CDH2: variants seen among roughly 807,000 people sequenced by gnomAD.
CDH2 encodes cadherin 2, also known as cadherin-2.
In CDH2, 17 loss-of-function variants were observed where a neutral mutation model predicts 92.0. The observed-to-expected ratio is 0.18, with a 90% CI of 0.13 to 0.28. CDH2 has a LOEUF of 0.28. CDH2 is among the 10% of genes least tolerant of loss of function. CDH2 has a pLI of 1.00. For missense variants in CDH2, 862 were observed against 1,133.1 expected, an observed-to-expected ratio of 0.76 and a Z score of 3.44; for synonymous variants, 419 against 415.9, an observed-to-expected ratio of 1.01 and a Z score of -0.09.
intron 2 of CDH2, among the ~76,000 whole-genome samples, chr18:28,089,478 C>T (rs1290256866): frequency 2.0e-5 from 3 of 151,946 alleles, no homozygotes; most frequent in Non-Finnish European, 2.9e-5. Context: ...GGTTATTATG[C>T]CTTACTATAC....
chr18:28,055,224 T>G, intron 2 of CDH2, among the ~76,000 whole-genome samples: 1 of 152,116 alleles, frequency 6.6e-6, no homozygotes, highest in East Asian at 1.9e-4. Context: ...CTCACGAGAC[T>G]TACTAACCAC....
intron 2 of CDH2, among the ~76,000 whole-genome samples, chr18:28,103,105 G>T (rs1463389396): frequency 1.3e-5 from 2 of 148,376 alleles, no homozygotes; most frequent in Non-Finnish European, 3.0e-5. Flanking sequence ...ATGAAGTAAT[G>T]TAAATAAAAC....
At chr18:28,134,529 C>T (rs2015829590) in intron 2 of CDH2, among the ~76,000 whole-genome samples, 1 of 152,028 alleles carries the variant, frequency 6.6e-6, no homozygotes, top group South Asian at 2.1e-4. Context: ...GGCAACATGG[C>T]ATAAACCCTG....
At chr18:27,975,824 G>C (rs986418346) in intron 14 of CDH2, among the ~76,000 whole-genome samples, 22 of 152,152 alleles carry the variant, frequency 1.4e-4, no homozygotes, top group African/African-American at 5.1e-4. Flanking sequence ...TGAATGTGGA[G>C]AATTTTATTG....
At chr18:27,980,646 G>A (rs2012016334) in intron 14 of CDH2, among the ~76,000 whole-genome samples, 2 of 152,042 alleles carry the variant, frequency 1.3e-5, no homozygotes, top group South Asian at 4.2e-4. Context: ...AAAGAACCCA[G>A]AGGCTACAAA....
At chr18:28,027,018 G>T (rs1009856864) in intron 2 of CDH2, among the ~76,000 whole-genome samples, 1 of 152,010 alleles carries the variant, frequency 6.6e-6, no homozygotes, top group African/African-American at 2.4e-5. Flanking sequence ...ATTCTTTCTG[G>T]TAATTATGAA....
At position 28,154,337 on chromosome 18, in the gene CDH2, G is replaced by A. The variant is rs546796855; in HGVS notation, c.61-6553C>T. 3.3e-5 allele frequency among the ~76,000 whole-genome samples: 5 copies of A among 152,280 alleles called. No individual in the cohort carries two copies. In the South Asian group the frequency reaches 8.3e-4, roughly 25 times the overall value. ...TGACAAGCAGTCAACAAGCCCTCTC[G>A]GCCCACCAGCGTGAAATTCACGCTG... On this transcript the variant is annotated intron_variant, in intron 1 of 15. Transcript: ENST00000269141.
intron 6 of CDH2, among the ~76,000 whole-genome samples, chr18:27,937,657 C>A (rs1909049071): frequency 6.6e-6 from 1 of 152,120 alleles, no homozygotes; most frequent in Non-Finnish European, 1.5e-5. Context: ...CTCTCAAAGG[C>A]CTGTGAGCTG....
At chr18:28,158,260 C>T (rs17469322) in intron 1 of CDH2, among the ~76,000 whole-genome samples, 7,894 of 152,248 alleles carry the variant, frequency 0.052, 274 homozygotes, top group Middle Eastern at 0.092. Flanking sequence ...GGAGGCATAA[C>T]GCCAGAGTTC....
intron 1 of CDH2, among the ~76,000 whole-genome samples, chr18:28,162,945 CCT>C (rs1451521349): frequency 2.6e-5 from 4 of 152,122 alleles, no homozygotes; most frequent in East Asian, 3.9e-4. Context: ...ATATTAATCC[CCT>C]GTGTCGGCTA....
At chr18:28,040,104 C>T (rs1290967352) in intron 2 of CDH2, among the ~76,000 whole-genome samples, 3 of 152,102 alleles carry the variant, frequency 2.0e-5, no homozygotes, top group African/African-American at 7.2e-5. Flanking sequence ...TAGTTAGAGG[C>T]AATGACACTT....
Position 28,166,275 on chromosome 18 carries a change from T to C in CDH2, c.60+10688A>G, listed in dbSNP as rs887424277. On this transcript the variant is annotated intron_variant, in intron 1 of 15. Transcript: ENST00000269141. The stretch of plus-strand genomic sequence containing the variant: ...CAAATACTAAAAAAAGTAACCTGTC[T>C]TTCCAAATGCTTTATTTTGCACCCT... Among the ~76,000 whole-genome samples the C allele has an allele frequency of 3.3e-5, 5 of 150,816 alleles. No individual in the cohort carries two copies. The East Asian group carries it at 9.8e-4, about 29-fold the overall frequency.
At chr18:28,084,622 A>C (rs1045682940) in intron 2 of CDH2, among the ~76,000 whole-genome samples, 11 of 152,144 alleles carry the variant, frequency 7.2e-5, no homozygotes, top group Non-Finnish European at 1.2e-4. Context: ...AAAATATCAA[A>C]AGTACCAGAC....
intron 2 of CDH2, among the ~76,000 whole-genome samples, chr18:28,027,011 C>T (rs12957780): frequency 0.2 from 29,793 of 152,060 alleles, 3,363 homozygotes; most frequent in Non-Finnish European, 0.25. Flanking sequence ...AGTGGTCATT[C>T]TTTCTGGTAA....
At chr18:27,969,540 T>C (rs962269145) in intron 14 of CDH2, among the ~76,000 whole-genome samples, 3 of 152,230 alleles carry the variant, frequency 2.0e-5, no homozygotes, top group Non-Finnish European at 2.9e-5. Context: ...CGTTACAAAA[T>C]TATGGCTTAT....
chr18:28,159,419 T>C (rs2016271352), intron 1 of CDH2: 1 of 152,266 alleles, frequency 6.6e-6, no homozygotes, highest in African/African-American at 2.4e-5. Flanking sequence ...ACTACGGTGA[T>C]ATTTTCCTTT....
chr18:27,942,108 G>T (rs921461957), intron 6 of CDH2, among the ~76,000 whole-genome samples: 1 of 152,126 alleles, frequency 6.6e-6, no homozygotes, highest in Non-Finnish European at 1.5e-5. Flanking sequence ...TTTTTATGAG[G>T]TAGGATAAAC....
At chr18:28,161,302 G>C (rs17495264) in intron 1 of CDH2, among the ~76,000 whole-genome samples, 1 of 151,948 alleles carries the variant, frequency 6.6e-6, no homozygotes, top group South Asian at 2.1e-4. Context: ...AAAGCTGGCC[G>C]GGCACAGTGG....
chr18:28,140,895 G>T (rs1168838607), intron 2 of CDH2, among the ~76,000 whole-genome samples: 1 of 144,948 alleles, frequency 6.9e-6, no homozygotes, highest in Non-Finnish European at 1.5e-5. Flanking sequence ...CTCCAAACAA[G>T]ATATATATAT....
Sources: gnomAD v4.1 joint callset for allele counts (sites outside exome capture counted in the v4.1 genomes callset) on GRCh38, gnomAD v4.1.1 for gene constraint, MANE v1.5 for transcripts, NCBI Gene and HGNC (gene_info 2026-07-23, HGNC 2026-07-21) for gene names.